Variants in PSMA3 observed in about 807,000 individuals in gnomAD.
PSMA3 encodes proteasome 20S subunit alpha 3.
Under a neutral mutation model 40.0 loss-of-function variants are expected in PSMA3, and 8 were observed. The observed-to-expected ratio is 0.20, with a 90% CI of 0.12 to 0.36. The LOEUF (loss-of-function observed/expected upper bound fraction) is 0.36, where lower values mean the gene tolerates loss of function less well. Ranked by LOEUF, PSMA3 falls within the 10% of genes least tolerant of loss-of-function variation. PSMA3 has a pLI of 1.00. For missense variants in PSMA3, 219 were observed against 310.6 expected (o/e 0.70, Z 2.22); for synonymous variants, 110 against 100.0 (o/e 1.10, Z -0.59).
chr14:58,265,649 T>G (rs1489394627), intron 7 of PSMA3: 2 of 152,332 alleles, frequency 1.3e-5, no homozygotes, highest in Middle Eastern at 3.4e-3. Context: ...CATTGTTCTC[T>G]TCTGATGGTC....
In PSMA3 at chr14:58,257,731, T is replaced by G; in HGVS notation, c.229-14T>G. On this transcript the variant is annotated splice_polypyrimidine_tract_variant and intron_variant, in intron 3 of 10. Transcript: ENST00000216455. ...GGAATGTGTTCCTCTAGTAAATTGG[T>G]GCTTTTTTTTCAGGCAGTAGCAGGT... 5 of 1,601,564 alleles carry G rather than the reference T, an allele frequency of 3.1e-6. No homozygotes were observed. Among genetic ancestry groups the G allele is most frequent in the Non-Finnish European group, 4.3e-6 (5 of 1,170,068 alleles).
At chr14:58,264,098 T>G (rs988231332) in intron 7 of PSMA3, among the ~76,000 whole-genome samples, 1 of 152,220 alleles carries the variant, frequency 6.6e-6, no homozygotes, top group African/African-American at 2.4e-5. Context: ...TGTAGAGTTG[T>G]GTTATACATC....
chr14:58,268,295 T>C (rs1555353190), intron 8 of PSMA3, among the ~76,000 whole-genome samples: 1 of 152,308 alleles, frequency 6.6e-6, no homozygotes, highest in South Asian at 2.1e-4. Context: ...GTATTCCACA[T>C]TAGAACTACA....
At chr14:58,271,755 A>G (rs1890632179) in intron 10 of PSMA3, 96 bp from the exon 11 acceptor site, 1 of 820,496 alleles carries the variant, frequency 1.2e-6, no homozygotes, top group South Asian at 1.5e-5. Flanking sequence ...GAGGAATTTA[A>G]CCACTTAATT....
chr14:58,246,549 C>T (rs550304052), intron 1 of PSMA3, among the ~76,000 whole-genome samples: 16 of 152,122 alleles, frequency 1.1e-4, no homozygotes, highest in Non-Finnish European at 2.2e-4. Flanking sequence ...CAGGTGCGCA[C>T]CACCACGCCC....
intron 8 of PSMA3, chr14:58,268,864 CT>C (rs1201923879): frequency 1.3e-5 from 2 of 152,018 alleles, no homozygotes; most frequent in Non-Finnish European, 2.9e-5. Flanking sequence ...TTAGAAGACC[CT>C]CCAAAAAGTA....
chr14:58,248,754 A>G (rs986943565), intron 2 of PSMA3, among the ~76,000 whole-genome samples: 1 of 150,088 alleles, frequency 6.7e-6, no homozygotes, highest in East Asian at 2.1e-4. Flanking sequence ...CAGGAGTTTG[A>G]GACCAGCCTG....
At chr14:58,245,152 C>A in intron 1 of PSMA3, 1 of 608,840 alleles carries the variant, frequency 1.6e-6, no homozygotes, top group Non-Finnish European at 2.9e-6. Context: ...AGCTTTTCAG[C>A]GCAGGTGTAG....
At chr14:58,257,595 A>T in intron 3 of PSMA3, 150 bp from the exon 4 acceptor site, 2 of 598,018 alleles carry the variant, frequency 3.3e-6, no homozygotes, top group Non-Finnish European at 5.9e-6. Context: ...CTCAAGCATC[A>T]AAATGCCTTG....
intron 9 of PSMA3, 49 bp from the exon 10 acceptor site, chr14:58,270,885 A>T: frequency 1.4e-6 from 2 of 1,454,238 alleles, no homozygotes; most frequent in Non-Finnish European, 1.9e-6. Flanking sequence ...GCAAGTTACA[A>T]TATGGTACTC....
At chr14:58,270,557 T>C (rs1285384965) in intron 9 of PSMA3, 72 bp downstream of exon 9, 1 of 1,593,756 alleles carries the variant, frequency 6.3e-7, no homozygotes, top group Non-Finnish European at 8.5e-7. Flanking sequence ...CTGAGTGTCC[T>C]TTCTAATATA....
At chr14:58,260,205 G>GTTAA (rs1555352634) in intron 5 of PSMA3, among the ~76,000 whole-genome samples, 2 of 152,136 alleles carry the variant, frequency 1.3e-5, no homozygotes, top group South Asian at 2.1e-4. Flanking sequence ...ATATAAAATG[G>GTTAA]TTAAGTATTT....
chr14:58,255,332 T>A (rs1890118531), intron 3 of PSMA3, among the ~76,000 whole-genome samples: 1 of 152,232 alleles, frequency 6.6e-6, no homozygotes. Flanking sequence ...TGTTCCACAC[T>A]GATTTTTGCA....
chr14:58,247,965 T>C, intron 2 of PSMA3, 133 bp downstream of exon 2: 1 of 600,526 alleles, frequency 1.7e-6, no homozygotes, highest in Non-Finnish European at 2.9e-6. Flanking sequence ...TCCAGATCTC[T>C]TTCTAGGCCA....
chr14:58,266,003 C>G (rs1890430970), intron 7 of PSMA3: 1 of 152,232 alleles, frequency 6.6e-6, no homozygotes, highest in African/African-American at 2.4e-5. Context: ...CAAGTATCAT[C>G]TAATAGTCCA....
chr14:58,270,776 T>A (rs926096778), intron 9 of PSMA3, among the ~76,000 whole-genome samples, 158 bp from the exon 10 acceptor site: 3 of 152,246 alleles, frequency 2.0e-5, no homozygotes, highest in Non-Finnish European at 2.9e-5. Flanking sequence ...TAATCTCATG[T>A]AGAAGCAGCA....
intron 3 of PSMA3, among the ~76,000 whole-genome samples, chr14:58,253,229 T>TGG (rs1890054171): frequency 1.3e-5 from 2 of 152,042 alleles, no homozygotes; most frequent in African/African-American, 4.8e-5. Context: ...AAGTGATCCA[T>TGG]CTGCCCGCCT....
intron 6 of PSMA3, among the ~76,000 whole-genome samples, chr14:58,262,552 C>G (rs2140091179): frequency 6.9e-6 from 1 of 144,658 alleles, no homozygotes; most frequent in South Asian, 2.3e-4. Context: ...AGAGCTTTCC[C>G]TAAATTATTA....
At chr14:58,259,155 C>T (rs1406553226) in intron 5 of PSMA3, among the ~76,000 whole-genome samples, 1 of 152,108 alleles carries the variant, frequency 6.6e-6, no homozygotes, top group Non-Finnish European at 1.5e-5. Flanking sequence ...TGACATTAGT[C>T]ATTCTTAAGC....
Sources: gnomAD v4.1 joint callset for allele counts (sites outside exome capture counted in the v4.1 genomes callset) on GRCh38, gnomAD v4.1.1 for gene constraint, MANE v1.5 for transcripts, NCBI Gene and HGNC (gene_info 2026-07-23, HGNC 2026-07-21) for gene names.